DGKK: variants seen among roughly 807,000 people sequenced by gnomAD.
The protein encoded by DGKK is 142 kDa diacylglycerol kinase.
In DGKK, 35 loss-of-function variants were observed where a neutral mutation model predicts 92.2. The observed-to-expected ratio is 0.38, with a 90% confidence interval of 0.29 to 0.50. The LOEUF is 0.50. DGKK is among the 20% of genes least tolerant of loss of function. The pLI, the probability that DGKK is intolerant of heterozygous loss-of-function variation, is 0.92. For missense variants in DGKK, 910 were observed against 992.2 expected (o/e 0.92, Z 1.11); for synonymous variants, 368 against 360.6 (o/e 1.02, Z -0.23).
chrX:50,422,464 G>A lies in DGKK; in HGVS notation c.819C>T (p.Asn273=). Reference sequence around the variant, plus strand: ...TACTTACACAAAAACTGTGGCAAAGGTTTCTACAGCTGCTTTCTGCCACAG... The same window carrying A: ...TACTTACACAAAAACTGTGGCAAAGATTTCTACAGCTGCTTTCTGCCACAG... ...QATVAESSCR[N]LCHSFCVITP... is the part of the protein sequence containing the mutation. Residue 273 remains asparagine (N), a synonymous_variant, in exon 3 of 28, where the codon AAC becomes AAT. Coordinates refer to ENST00000611977, the MANE Select transcript of DGKK (RefSeq NM_001013742.4). 5 of 1,204,223 alleles carry A rather than the reference G, an allele frequency of 4.2e-6. No homozygotes were observed. Among genetic ancestry groups the A allele is most frequent in the Non-Finnish European group, 5.6e-6 (5 of 891,460 alleles).
intron 4 of DGKK, among the ~76,000 whole-genome samples, chrX:50,411,702 T>G (rs782450201): frequency 1.1e-3 from 126 of 111,784 alleles, no homozygotes; most frequent in Non-Finnish European, 2.1e-3. Flanking sequence ...ATTCTGATAA[T>G]TGTCATATGT....
intron 15 of DGKK, 58 bp from the exon 16 acceptor site, chrX:50,384,882 A>G: frequency 1.2e-6 from 1 of 854,779 alleles, no homozygotes; most frequent in Non-Finnish European, 1.7e-6. Flanking sequence ...GGAGGGAGGA[A>G]GAAAGGAGGG....
intron 18 of DGKK, 70 bp from the exon 19 acceptor site, chrX:50,380,147 A>T: frequency 1.1e-6 from 1 of 899,046 alleles, no homozygotes; most frequent in Non-Finnish European, 1.6e-6. Context: ...AAAAGACAGG[A>T]AGGAAAACCA....
At chrX:50,432,723 A>G (rs1007703473) in intron 1 of DGKK, among the ~76,000 whole-genome samples, 2 of 112,627 alleles carry the variant, frequency 1.8e-5, no homozygotes, top group Non-Finnish European at 3.7e-5. Flanking sequence ...TGATGACTTT[A>G]AAACTAGTCC....
chrX:50,459,292 C>T (rs1557233115), intron 1 of DGKK, among the ~76,000 whole-genome samples: 2 of 111,195 alleles, frequency 1.8e-5, no homozygotes, highest in Non-Finnish European at 3.8e-5. Context: ...CAAGCAGATA[C>T]TTTGTGAGTA....
chrX:50,392,188 A>C (rs1410430231), intron 10 of DGKK, among the ~76,000 whole-genome samples, 153 bp downstream of exon 10: 1 of 112,137 alleles, frequency 8.9e-6, no homozygotes, highest in Non-Finnish European at 1.9e-5. Flanking sequence ...GAGTAGGCTT[A>C]GATTGGGAAT....
intron 1 of DGKK, among the ~76,000 whole-genome samples, chrX:50,454,066 C>T (rs1926553569): frequency 9.1e-6 from 1 of 110,045 alleles, no homozygotes; most frequent in Non-Finnish European, 1.9e-5. Flanking sequence ...GTTTTGCTTG[C>T]CTAGAATTCC....
chrX:50,430,030 T>G (rs1287215606), intron 1 of DGKK, among the ~76,000 whole-genome samples: 1 of 112,490 alleles, frequency 8.9e-6, no homozygotes, highest in African/African-American at 3.2e-5. Context: ...AGGAAATAGT[T>G]GAAATTTTTC....
rs1924724473 is a variant in DGKK, at chrX:50,392,457, G to A, written c.1596-8C>T. ...TTCTTGAACATAGACAGCCTGGAAG[G>A]ACAAAGAGGAAAGGGGGTCATTTCA... On this transcript the variant is annotated splice_polypyrimidine_tract_variant and splice_region_variant and intron_variant, in intron 9 of 27. Transcript: ENST00000611977. The A allele has an allele frequency of 8.4e-7, 1 of 1,190,571 alleles. No individual in the cohort carries two copies. Among genetic ancestry groups the A allele is most frequent in the Admixed American group, 2.2e-5 (1 of 45,919 alleles).
At chrX:50,401,162 G>A (rs781891185) in intron 7 of DGKK, 23 bp from the exon 8 acceptor site, 1 of 1,147,035 alleles carries the variant, frequency 8.7e-7, no homozygotes, top group Admixed American at 2.5e-5. Flanking sequence ...GAGAAGAGCA[G>A]AGAAAAAAAA....
intron 3 of DGKK, among the ~76,000 whole-genome samples, chrX:50,420,783 C>T (rs782567323): frequency 8.9e-6 from 1 of 112,212 alleles, no homozygotes; most frequent in Non-Finnish European, 1.9e-5. Flanking sequence ...ATTCAATCTT[C>T]ATTACAACCC....
At chrX:50,407,196 A>G (rs782480205) in intron 4 of DGKK, among the ~76,000 whole-genome samples, 1 of 112,223 alleles carries the variant, frequency 8.9e-6, no homozygotes, top group East Asian at 2.8e-4. Flanking sequence ...AGCAAAGTAT[A>G]AGAGGTGCAT....
In DGKK at chrX:50,368,351, A is replaced by G. The variant is rs1469406031; in HGVS notation, c.*589T>C. On this transcript the variant is annotated 3_prime_UTR_variant, in exon 28 of 28. Transcript: ENST00000611977. ...GAGAGAGAGAGGTTACCATATCTAC[A>G]AAAAGAGATTTCACATGGTCATCTT... 2.7e-5 allele frequency: 3 copies of G among 111,332 alleles called. No homozygotes were observed. The highest frequency in any genetic ancestry group is 3.8e-5 in the Non-Finnish European group (2 of 53,163). 9.2% of individuals were successfully genotyped at this position (111,332 alleles called of 1,213,427 possible).
chrX:50,421,668 G>A (rs1339227862), intron 3 of DGKK, among the ~76,000 whole-genome samples: 1 of 112,005 alleles, frequency 8.9e-6, no homozygotes, highest in Non-Finnish European at 1.9e-5. Flanking sequence ...TGTAATGAGA[G>A]AGTAACAAAG....
At chrX:50,469,162 C>T (rs1331829990) in intron 1 of DGKK, among the ~76,000 whole-genome samples, 2 of 111,286 alleles carry the variant, frequency 1.8e-5, no homozygotes, top group African/African-American at 6.5e-5. Context: ...ATTTAGAAGG[C>T]GTCGCGGTAG....
At chrX:50,453,713 C>T (rs1303440896) in intron 1 of DGKK, among the ~76,000 whole-genome samples, 33 of 111,234 alleles carry the variant, frequency 3.0e-4, no homozygotes, top group African/African-American at 1.1e-3. Flanking sequence ...AATTAGCTCC[C>T]TTCTCAGACA....
chrX:50,390,803 A>T (rs1294810136), intron 11 of DGKK, among the ~76,000 whole-genome samples: 1 of 112,067 alleles, frequency 8.9e-6, no homozygotes, highest in African/African-American at 3.2e-5. Flanking sequence ...CCTTATGGGC[A>T]GCAATAAATC....
At chrX:50,404,297 C>T (rs1375488310) in intron 4 of DGKK, 113 bp from the exon 5 acceptor site, 6 of 824,302 alleles carry the variant, frequency 7.3e-6, no homozygotes, top group Middle Eastern at 4.2e-4. Context: ...GGTGTCAGAG[C>T]GTGTGAAGGG....
intron 25 of DGKK, among the ~76,000 whole-genome samples, chrX:50,373,497 C>T (rs868972967): frequency 3.6e-5 from 4 of 111,946 alleles, no homozygotes; most frequent in Non-Finnish European, 7.5e-5. Flanking sequence ...AGAGACCAAA[C>T]GCACCTATTT....
Sources: allele counts gnomAD v4.1 joint callset (sites outside exome capture counted in the v4.1 genomes callset), GRCh38; gene constraint gnomAD v4.1.1; transcripts MANE v1.5; gene names NCBI Gene and HGNC (gene_info 2026-07-23, HGNC 2026-07-21).